Variants in TRPM2 observed in about 807,000 individuals in gnomAD.
TRPM2 encodes estrogen-responsive element-associated gene 1 protein.
TRPM2 carries 161 observed loss-of-function variants against 174.0 expected under a neutral mutation model. That is an observed-to-expected ratio of 0.93 (90% CI 0.81 to 1.05). The LOEUF (loss-of-function observed/expected upper bound fraction) is 1.05. TRPM2 is among the 50% of genes least tolerant of loss of function. The probability of loss-of-function intolerance (pLI) is 0.00; values close to 1 mark genes in which losing one functional copy is unlikely to be tolerated. For missense variants in TRPM2, 2,057 were observed against 2,038.0 expected, an observed-to-expected ratio of 1.01 and a Z score of -0.18; for synonymous variants, 954 against 861.3, an observed-to-expected ratio of 1.11 and a Z score of -1.88.
intron 2 of TRPM2, among the ~76,000 whole-genome samples, chr21:44,357,646 C>G (rs1440528278): frequency 6.6e-6 from 1 of 152,204 alleles, no homozygotes; most frequent in African/African-American, 2.4e-5. Context: ...CACGTGGGCC[C>G]CTCTGCATGG....
chr21:44,376,954 A>G lies in TRPM2; in HGVS notation c.953-758A>G, dbSNP rs2048719871. ...GACCACACTTTGAGAACCCTGCTTG[A>G]CTAGTAGGAGCACGTTCCCTGGTGA... On this transcript the variant is annotated intron_variant, in intron 6 of 31. Transcript: ENST00000397928. This position sits in a 1 kb window ranked among gnomAD's most constrained non-coding sequence, Gnocchi z 4.2. 6.6e-6 allele frequency among the ~76,000 whole-genome samples: 1 copy of G among 150,610 alleles called. No individual in the cohort carries two copies. Among genetic ancestry groups the G allele is most frequent in the African/African-American group, 2.5e-5 (1 of 40,632 alleles).
At chr21:44,417,249 CTG>C (rs1447230553) in intron 20 of TRPM2, among the ~76,000 whole-genome samples, 5 of 141,198 alleles carry the variant, frequency 3.5e-5, no homozygotes, top group South Asian at 2.4e-4. Context: ...GCTCTGCTCT[CTG>C]TGGCATCACA....
At chr21:44,378,493 C>T (rs1388499505) in intron 7 of TRPM2, among the ~76,000 whole-genome samples, 1 of 152,142 alleles carries the variant, frequency 6.6e-6, no homozygotes, top group Non-Finnish European at 1.5e-5. Context: ...GTGCCGAGTA[C>T]CCTTCACGGC....
At chr21:44,361,198 C>T (rs1256767320) in intron 2 of TRPM2, among the ~76,000 whole-genome samples, 2 of 152,114 alleles carry the variant, frequency 1.3e-5, no homozygotes, top group South Asian at 2.1e-4. Flanking sequence ...TGCAATGGCA[C>T]GATCTCAGCT....
rs758685133 is a variant in TRPM2 at position 44,369,172 on chromosome 21, C to G, written c.605-5C>G. On this transcript the variant is annotated splice_polypyrimidine_tract_variant and splice_region_variant and intron_variant, in intron 4 of 31. Coordinates refer to ENST00000397928, the MANE Select transcript of TRPM2 (RefSeq NM_003307.4). The stretch of plus-strand genomic sequence containing the variant: ...GGGGCCTGCCCACCCGTGCTCCTTC[C>G]CCAGGGGCCTGGATCATCACAGGGG... 1.3e-6 allele frequency: 2 copies of G among 1,600,002 alleles called. No homozygotes were observed.
rs538467305 is a variant in TRPM2, at chr21:44,435,479, C to T, written c.4061+262C>T. Among the ~76,000 whole-genome samples, 31 of 152,164 alleles carry T rather than the reference C, an allele frequency of 2.0e-4. No individual in the cohort carries two copies. The South Asian group carries it at 4.1e-3, about 20-fold the overall frequency. ...CCCGGGGCTGCCTTCACTTTCCTGC[C>T]GGTCCCTGCCCATTAGAGGGCACCC... On this transcript the variant is annotated intron_variant, in intron 28 of 31. Coordinates refer to ENST00000397928, the MANE Select transcript of TRPM2 (RefSeq NM_003307.4).
intron 27 of TRPM2, among the ~76,000 whole-genome samples, chr21:44,428,410 TGTGG>T (rs1225152596): frequency 3.4e-5 from 5 of 148,006 alleles, no homozygotes; most frequent in African/African-American, 1.3e-4. Context: ...TCCCCTTAGG[TGTGG>T]CTCCTCCCCT....
chr21:44,399,567 C>A lies in TRPM2; in HGVS notation c.2208+126C>A. Reference sequence around the variant, plus strand: ...TTCAGGGCCCTCAGCAGCTCGGGGACAGCGCCTGACCCCTCGGCCACCTGC... The same window carrying A: ...TTCAGGGCCCTCAGCAGCTCGGGGAAAGCGCCTGACCCCTCGGCCACCTGC... On this transcript the variant is annotated intron_variant, in intron 14 of 31. Coordinates refer to ENST00000397928, the MANE Select transcript of TRPM2 (RefSeq NM_003307.4). This position sits in a 1 kb window ranked among gnomAD's most constrained non-coding sequence, Gnocchi z 4.6. The A allele has an allele frequency of 7.6e-7, 1 of 1,320,620 alleles. No homozygotes were observed. Among genetic ancestry groups the A allele is most frequent in the Non-Finnish European group, 1.0e-6 (1 of 999,906 alleles). The allele number at this position is 1,320,620 out of a possible 1,614,324, so 81.8% of individuals were successfully genotyped here.
At chr21:44,440,309 A>AGAGATTCCGTCTC (rs1432874267) in intron 30 of TRPM2, among the ~76,000 whole-genome samples, 1,110 of 5,978 alleles carry the variant, frequency 0.19, 20 homozygotes, top group Admixed American at 0.25. Context: ...GCGCTCAAAA[A>AGAGATTCCGTCTC]AAAAAAAAAA....
intron 2 of TRPM2, among the ~76,000 whole-genome samples, chr21:44,359,719 G>GTGTATATATATACACATATATA (rs1602121632): frequency 1.3e-5 from 2 of 149,490 alleles, no homozygotes; most frequent in East Asian, 3.9e-4. Context: ...TGTCTCATCT[G>GTGTATATATATACACATATATA]TGTATATATA....
intron 12 of TRPM2, 49 bp from the exon 13 acceptor site, chr21:44,397,698 T>A: frequency 6.6e-7 from 1 of 1,508,516 alleles, no homozygotes. Flanking sequence ...TTCCTCAGGC[T>A]GGGTTGAGCC....
In TRPM2 at chr21:44,399,491, G is replaced by A; in HGVS notation, c.2208+50G>A. Reference sequence around the variant, plus strand: ...GAAACAGACGCCTGTGGTGCCTGCAGGGCGGACACAGCCTCCTGTTCGTGC... The same window carrying A: ...GAAACAGACGCCTGTGGTGCCTGCAAGGCGGACACAGCCTCCTGTTCGTGC... On this transcript the variant is annotated intron_variant, in intron 14 of 31. Coordinates refer to ENST00000397928, the MANE Select transcript of TRPM2 (RefSeq NM_003307.4). This position sits in a 1 kb window ranked among gnomAD's most constrained non-coding sequence, Gnocchi z 4.6. The A allele has an allele frequency of 6.4e-7, 1 of 1,571,932 alleles. No homozygotes were observed. Among genetic ancestry groups the A allele is most frequent in the Non-Finnish European group, 8.6e-7 (1 of 1,158,136 alleles).
In TRPM2 at chr21:44,438,959, TG is replaced by T; in HGVS notation, c.4168-105del. 1 of 829,808 alleles carries T rather than the reference TG, an allele frequency of 1.2e-6. No individual in the cohort carries two copies. Among genetic ancestry groups the T allele is most frequent in the Non-Finnish European group, 1.9e-6 (1 of 524,162 alleles). The allele number at this position is 829,808 out of a possible 1,614,324, so 51.4% of individuals were successfully genotyped here. A position where few individuals can be genotyped will look rare whatever the true frequency, so the allele number is the denominator to read the frequency against. On this transcript the variant is annotated intron_variant, in intron 29 of 31. Coordinates refer to ENST00000397928, the MANE Select transcript of TRPM2 (RefSeq NM_003307.4). This position sits in a 1 kb window ranked among gnomAD's most constrained non-coding sequence, Gnocchi z 5.9. Reference sequence around the variant, plus strand: ...GCCGCCTGCCTGTGGCTCCCAGGGCTGGGCCGCTGCCCACGCCGGGCAGGAG... The same window carrying T: ...GCCGCCTGCCTGTGGCTCCCAGGGCTGGCCGCTGCCCACGCCGGGCAGGAG...
chr21:44,353,133 G>GTT (rs2047954120), upstream of TRPM2: 2 of 152,292 alleles, frequency 1.3e-5, no homozygotes, highest in Non-Finnish European at 2.9e-5. Flanking sequence ...TCCAGCCTGA[G>GTT]CGACAAAGTG....
rs756402523 is a variant in TRPM2 at position 44,425,746 on chromosome 21, C to T, written c.3714C>T (p.Tyr1238=). 3.1e-6 allele frequency: 5 copies of T among 1,593,868 alleles called. No homozygotes were observed. The highest frequency in any genetic ancestry group is 1.3e-5 in the African/African-American group (1 of 74,700). The change falls in exon 25 of 32, where the codon TAC becomes TAT. Residue 1238 remains tyrosine, a synonymous_variant. Transcript: ENST00000397928. ...AGACGGAGGAGCCGGGCGACAGCTA[C>T]CACGTGAATGCCCGGCACCTCCTCT... ...RKKTEEPGDS[Y]HVNARHLLYP... is the part of the protein sequence containing the mutation.
rs1430250710 is a variant in TRPM2, at chr21:44,406,711, G to A, written c.2908G>A (p.Ala970Thr). The change falls in exon 19 of 32, where the codon GCC becomes ACC. Residue 970 changes from alanine (A) to threonine (T), a missense_variant. By Grantham distance (58) the Ala-to-Thr change is moderately conservative (BLOSUM62 0). Transcript: ENST00000397928. Reference protein sequence around the residue: ...ERRVDWLFRGAVYHSYLTIFG... With the variant: ...ERRVDWLFRGTVYHSYLTIFG... ...CCGGGTGGACTGGCTGTTCCGAGGG[G>A]CCGTCTACCACTCCTACCTCACCAT... 1 of 1,608,596 alleles carries A rather than the reference G, an allele frequency of 6.2e-7. No individual in the cohort carries two copies. Among genetic ancestry groups the A allele is most frequent in the Non-Finnish European group, 8.5e-7 (1 of 1,179,142 alleles).
intron 30 of TRPM2, among the ~76,000 whole-genome samples, chr21:44,440,310 A>G (rs1474271168): frequency 1.6e-3 from 6 of 3,754 alleles, no homozygotes; most frequent in South Asian, 8.3e-3. Flanking sequence ...CGCTCAAAAA[A>G]AAAAAAAAAA....
In TRPM2 at chr21:44,434,428, G is replaced by T. The variant is rs1406702579; in HGVS notation, c.3975-703G>T. Reference sequence around the variant, plus strand: ...TGGCGGGGACGGTGGCAGGGATGCTGTCGGGGACTATGGCGGGGATGCTGC... The same window carrying T: ...TGGCGGGGACGGTGGCAGGGATGCTTTCGGGGACTATGGCGGGGATGCTGC... On this transcript the variant is annotated intron_variant, in intron 27 of 31. Coordinates refer to ENST00000397928, the MANE Select transcript of TRPM2 (RefSeq NM_003307.4). Among the ~76,000 whole-genome samples, 3 of 152,000 alleles carry T rather than the reference G, an allele frequency of 2.0e-5. 1 individual carries two copies. Among genetic ancestry groups the T allele is most frequent in the Admixed American group, 2.0e-4 (3 of 15,278 alleles).
At chr21:44,413,858 T>A (rs2050186598) in intron 19 of TRPM2, 33 bp from the exon 20 acceptor site, 2 of 1,594,572 alleles carry the variant, frequency 1.3e-6, no homozygotes, top group Non-Finnish European at 1.7e-6. Context: ...TGTGTTGTTT[T>A]CTTGGCTCAC....
Sources: gnomAD v4.1 joint callset for allele counts (sites outside exome capture counted in the v4.1 genomes callset) on GRCh38, gnomAD v4.1.1 for gene constraint, Gnocchi (gnomAD v3.1) non-coding constraint, MANE v1.5 for transcripts, NCBI Gene and HGNC (gene_info 2026-07-23, HGNC 2026-07-21) for gene names.